The following TBL1X variants were observed in gnomAD, a reference collection of about 807,000 sequenced individuals.
The protein encoded by TBL1X is transducin beta like 1 X-linked, also known as F-box-like/WD repeat-containing protein TBL1X.
Under a neutral mutation model 50.7 loss-of-function variants are expected in TBL1X, and 10 were observed. That is an observed-to-expected ratio of 0.20 (90% CI 0.12 to 0.33). The LOEUF (loss-of-function observed/expected upper bound fraction) is 0.33. Among genes scored for constraint, TBL1X ranks in the 10% least tolerant of loss-of-function variants. The pLI is 1.00. For missense variants in TBL1X, 340 were observed against 504.4 expected (o/e 0.67, Z 3.12); for synonymous variants, 190 against 214.7 (o/e 0.88, Z 1.01).
intron 2 of TBL1X, among the ~76,000 whole-genome samples, chrX:9,553,359 C>T (rs1296159179): frequency 9.0e-6 from 1 of 111,555 alleles, no homozygotes; most frequent in Non-Finnish European, 1.9e-5. Context: ...GGCAAGGAAT[C>T]GAATTCTCCC....
rs189361134 is a variant in TBL1X at position 9,621,968 on chromosome X, T to G, written c.-130-18305T>G. Among the ~76,000 whole-genome samples, 23 of 111,974 alleles carry G rather than the reference T, an allele frequency of 2.1e-4. No individual in the cohort carries two copies. In the East Asian group the frequency reaches 5.8e-3, roughly 28 times the overall value. ...ATTTTTGAATCTGAAAAGAAAAAAG[T>G]CCTGTACATTTTTAATTTTAGTTAA... On this transcript the variant is annotated intron_variant, in intron 2 of 17. Coordinates refer to ENST00000645353, the MANE Select transcript of TBL1X (RefSeq NM_005647.4).
chrX:9,520,682 C>A (rs1041938570), intron 2 of TBL1X, among the ~76,000 whole-genome samples: 1 of 111,523 alleles, frequency 9.0e-6, no homozygotes, highest in African/African-American at 3.3e-5. Context: ...GGGGGAACAC[C>A]TCTCCTTGGA....
chrX:9,603,517 G>A (rs1398812150), intron 2 of TBL1X, among the ~76,000 whole-genome samples: 5 of 111,876 alleles, frequency 4.5e-5, no homozygotes, highest in Non-Finnish European at 9.4e-5. Context: ...ACAGAACACC[G>A]AGGGACACGG....
intron 12 of TBL1X, among the ~76,000 whole-genome samples, chrX:9,701,933 G>T (rs1006527250): frequency 8.9e-6 from 1 of 111,990 alleles, no homozygotes; most frequent in South Asian, 3.7e-4. Context: ...ATGTGGAAAA[G>T]ACCATTGCTG....
intron 2 of TBL1X, among the ~76,000 whole-genome samples, chrX:9,572,529 T>G (rs943014286): frequency 1.8e-5 from 2 of 113,016 alleles, no homozygotes; most frequent in African/African-American, 6.4e-5. Context: ...ATTCTGAAAT[T>G]GTGGTGTCTG....
chrX:9,580,133 A>C (rs1399272957), intron 2 of TBL1X, among the ~76,000 whole-genome samples: 1 of 112,190 alleles, frequency 8.9e-6, no homozygotes, highest in Non-Finnish European at 1.9e-5. Flanking sequence ...TTGGTTTTAT[A>C]CATTTTAGGG....
chrX:9,690,275 C>T (rs961622608), intron 7 of TBL1X, among the ~76,000 whole-genome samples: 5 of 112,091 alleles, frequency 4.5e-5, no homozygotes, highest in African/African-American at 6.5e-5. Flanking sequence ...CTCAGGCTGC[C>T]GTAACAAAAG....
intron 2 of TBL1X, among the ~76,000 whole-genome samples, chrX:9,558,724 A>G (rs929511732): frequency 4.5e-5 from 5 of 110,661 alleles, no homozygotes; most frequent in Admixed American, 9.6e-5. Flanking sequence ...TGGCATGTCC[A>G]TGTGTTTACA....
intron 2 of TBL1X, among the ~76,000 whole-genome samples, chrX:9,529,641 C>G (rs2082149951): frequency 9.1e-6 from 1 of 110,273 alleles, no homozygotes; most frequent in South Asian, 3.9e-4. Flanking sequence ...GTAAAAACTT[C>G]AAGGAAACCT....
chrX:9,610,343 G>A (rs935521090), intron 2 of TBL1X, among the ~76,000 whole-genome samples: 2 of 112,439 alleles, frequency 1.8e-5, no homozygotes, highest in East Asian at 2.8e-4. Flanking sequence ...AGCCAATAAC[G>A]GATTATTTTT....
intron 2 of TBL1X, among the ~76,000 whole-genome samples, chrX:9,600,489 T>C: frequency 1.1e-5 from 1 of 95,056 alleles, no homozygotes; most frequent in Non-Finnish European, 2.1e-5. Flanking sequence ...GGTACACAAA[T>C]GTCCGGACCA....
intron 2 of TBL1X, among the ~76,000 whole-genome samples, chrX:9,584,828 G>A (rs2147024706): frequency 8.9e-6 from 1 of 111,755 alleles, no homozygotes; most frequent in South Asian, 3.7e-4. Flanking sequence ...AAACCTTGGG[G>A]GAGGAGGGGA....
At chrX:9,617,243 G>A (rs990555005) in intron 2 of TBL1X, among the ~76,000 whole-genome samples, 3 of 111,650 alleles carry the variant, frequency 2.7e-5, no homozygotes, top group South Asian at 3.7e-4. Flanking sequence ...CCCATTGTGC[G>A]TCTCTGATCA....
At chrX:9,511,441 C>T (rs749647849) in intron 2 of TBL1X, among the ~76,000 whole-genome samples, 28 of 111,891 alleles carry the variant, frequency 2.5e-4, no homozygotes, top group South Asian at 2.3e-3. Flanking sequence ...CCACCTGAGA[C>T]GCAAGTTAAT....
intron 5 of TBL1X, among the ~76,000 whole-genome samples, chrX:9,676,936 CATT>C (rs2082998456): frequency 8.9e-6 from 1 of 111,902 alleles, no homozygotes; most frequent in African/African-American, 3.3e-5. Context: ...ACTAATCCAT[CATT>C]GTTGAAGTGA....
At chrX:9,678,905 T>C (rs1288288431) in intron 5 of TBL1X, among the ~76,000 whole-genome samples, 2 of 111,640 alleles carry the variant, frequency 1.8e-5, no homozygotes, top group Non-Finnish European at 3.8e-5. Flanking sequence ...ATACAGACTG[T>C]TTCCTCTCTT....
Position 9,701,512 on chromosome X carries a change from A to G in TBL1X, c.1115-3481A>G, listed in dbSNP as rs374580823. Among the ~76,000 whole-genome samples, 8 of 104,672 alleles carry G rather than the reference A, an allele frequency of 7.6e-5. No individual in the cohort carries two copies. The East Asian group carries it at 1.9e-3, about 24-fold the overall frequency. 90.9% of individuals were successfully genotyped at this position (104,672 alleles called of 115,157 possible). A position where few individuals can be genotyped will look rare whatever the true frequency, so the allele number is the denominator to read the frequency against. On this transcript the variant is annotated intron_variant, in intron 12 of 17. Transcript: ENST00000645353. ...TGGTTTCCCTGGGCCACATTGAAAG[A>G]AGAATTGTCTTGGGCCACACATAAA... is the stretch of plus-strand genomic sequence containing the variant.
intron 5 of TBL1X, among the ~76,000 whole-genome samples, chrX:9,665,010 A>AT (rs1326195091): frequency 5.5e-5 from 6 of 109,036 alleles, no homozygotes; most frequent in Admixed American, 9.7e-5. Context: ...TAGTTGTAGG[A>AT]TTTTTTTTTC....
At chrX:9,516,008 A>G (rs1026915057) in intron 2 of TBL1X, among the ~76,000 whole-genome samples, 5 of 111,352 alleles carry the variant, frequency 4.5e-5, no homozygotes, top group African/African-American at 9.8e-5. Flanking sequence ...TTATATCTCA[A>G]TAAACCTGTC....
Sources: allele counts gnomAD v4.1 joint callset (sites outside exome capture counted in the v4.1 genomes callset), GRCh38; gene constraint gnomAD v4.1.1; transcripts MANE v1.5; gene names NCBI Gene and HGNC (gene_info 2026-07-23, HGNC 2026-07-21).